IP6K2: variants seen among roughly 807,000 people sequenced by gnomAD.
IP6K2 encodes inositol hexakisphosphate kinase 2, also known as ATP:1D-myo-inositol-hexakisphosphate phosphotransferase.
Under a neutral mutation model 43.3 loss-of-function variants are expected in IP6K2, and 9 were observed. The observed-to-expected ratio is 0.21, with a 90% CI of 0.13 to 0.36. The LOEUF (loss-of-function observed/expected upper bound fraction) is 0.36. IP6K2 is among the 10% of genes least tolerant of loss of function. The pLI is 1.00. For missense variants in IP6K2, 332 were observed against 538.4 expected, an observed-to-expected ratio of 0.62 and a Z score of 3.79; for synonymous variants, 209 against 202.4, an observed-to-expected ratio of 1.03 and a Z score of -0.28.
In IP6K2 at chr3:48,688,319, C is replaced by T. The variant is rs1218018953; in HGVS notation, c.1235G>A (p.Ser412Asn). 2 of 1,614,228 alleles carry T rather than the reference C, an allele frequency of 1.2e-6. No homozygotes were observed. The highest frequency in any genetic ancestry group is 2.2e-5 in the East Asian group (1 of 44,880). The change falls in exon 6 of 6, where the codon AGC (serine) becomes AAC (asparagine). Residue 412 changes from serine (S) to asparagine (N), a missense_variant. Physicochemically the swap from Ser to Asn is conservative, Grantham distance 46 (BLOSUM62 1). Transcript: ENST00000328631. This position sits in a 1 kb window ranked among gnomAD's most constrained non-coding sequence, Gnocchi z 5.1. Reference sequence around the variant, plus strand: ...TATCTCTGTGACAATGTCTATCAGGCTCTGGAGCCCGAAGATATAGCCAGC... The same window carrying T: ...TATCTCTGTGACAATGTCTATCAGGTTCTGGAGCCCGAAGATATAGCCAGC... ...QDAGYIFGLQ[S>N]LIDIVTEISE... is the part of the protein sequence containing the mutation.
At chr3:48,712,530 G>A (rs1355210326) in intron 1 of IP6K2, among the ~76,000 whole-genome samples, 1 of 151,798 alleles carries the variant, frequency 6.6e-6, no homozygotes, top group Non-Finnish European at 1.5e-5. Context: ...ACAGGCATGA[G>A]CCACCATGCC....
rs111530965 is a variant in IP6K2 at position 48,697,341 on chromosome 3, GTTTTT to G, written c.-130-1925_-130-1921del. 3.0e-3 allele frequency among the ~76,000 whole-genome samples: 419 copies of G among 140,504 alleles called. 3 individuals are homozygous for G. Among genetic ancestry groups the G allele is most frequent in the African/African-American group, 0.01 (388 of 38,438 alleles). 92.2% of individuals were successfully genotyped at this position (140,504 alleles called of 152,430 possible). On this transcript the variant is annotated intron_variant, in intron 1 of 5. Coordinates refer to ENST00000328631, the MANE Select transcript of IP6K2 (RefSeq NM_016291.4). The stretch of plus-strand genomic sequence containing the variant: ...GCCAGTTGTTTTTTCATTTTGTTTT[GTTTTT>G]TTTTTTAGATGGAGTCTTGCTCTGT...
chr3:48,692,535 T>A (rs1559509782), intron 3 of IP6K2, among the ~76,000 whole-genome samples: 1 of 152,246 alleles, frequency 6.6e-6, no homozygotes, highest in Non-Finnish European at 1.5e-5. Context: ...TATTTATATT[T>A]TCACAAGCTT....
At chr3:48,708,904 C>G (rs563455235) in intron 1 of IP6K2, among the ~76,000 whole-genome samples, 1 of 152,236 alleles carries the variant, frequency 6.6e-6, no homozygotes, top group African/African-American at 2.4e-5. Flanking sequence ...GAGACCTTGT[C>G]TCTACAAAAA....
chr3:48,693,378 G>A (rs1301524316), intron 2 of IP6K2, 199 bp from the exon 3 acceptor site: 2 of 1,156,268 alleles, frequency 1.7e-6, no homozygotes, highest in Non-Finnish European at 2.6e-6. Context: ...CAATTAGGGA[G>A]CAAACATGGC....
chr3:48,712,743 G>A (rs1255833844), intron 1 of IP6K2, among the ~76,000 whole-genome samples: 3 of 151,690 alleles, frequency 2.0e-5, no homozygotes, highest in Admixed American at 6.6e-5. Flanking sequence ...CAGGCCGGGC[G>A]CAGTGGCTCA....
intron 1 of IP6K2, among the ~76,000 whole-genome samples, chr3:48,707,430 T>G (rs1221835918): frequency 6.6e-6 from 1 of 152,106 alleles, no homozygotes; most frequent in Non-Finnish European, 1.5e-5. Context: ...TAGCATCTCA[T>G]TCTGGTTTTA....
Position 48,711,746 on chromosome 3 carries a change from T to C in IP6K2, c.-131+5411A>G, listed in dbSNP as rs527423691. On this transcript the variant is annotated intron_variant, in intron 1 of 5. Coordinates refer to ENST00000328631, the MANE Select transcript of IP6K2 (RefSeq NM_016291.4). ...AAAAGATGGTTTAACAAGTTATTTG[T>C]TATTGTTTTTCTTGTCAGGTTGTTC... Among the ~76,000 whole-genome samples the C allele has an allele frequency of 4.9e-4, 74 of 152,368 alleles. 1 individual carries two copies. Among genetic ancestry groups the C allele is most frequent in the African/African-American group, 1.7e-3 (72 of 41,600 alleles).
chr3:48,689,552 C>G lies in IP6K2; in HGVS notation c.766G>C (p.Val256Leu), dbSNP rs2077594872. Residue 256 changes from valine to leucine, a missense_variant, in exon 5 of 6, where the codon GTG becomes CTG. Transcript: ENST00000328631. ...ATCCCCCTCACCTGCATGCCACACA[C>G]ACGCACACCAATGACTGCAGATGTG... ...QSTSAVIGVR[V>L]CGMQVYQAGS... 6.2e-7 allele frequency: 1 copy of G among 1,613,334 alleles called. No homozygotes were observed. Among genetic ancestry groups the G allele is most frequent in the Non-Finnish European group, 8.5e-7 (1 of 1,179,866 alleles).
intron 1 of IP6K2, among the ~76,000 whole-genome samples, chr3:48,705,207 G>A (rs1031944708): frequency 6.6e-6 from 1 of 152,154 alleles, no homozygotes; most frequent in Non-Finnish European, 1.5e-5. Flanking sequence ...CTCCCAAAGT[G>A]CTGGGATTAC....
At chr3:48,706,323 ATCTGTAGCCCTAGCTAC>A (rs1410853386) in intron 1 of IP6K2, among the ~76,000 whole-genome samples, 1 of 151,564 alleles carries the variant, frequency 6.6e-6, no homozygotes, top group African/African-American at 2.4e-5. Context: ...GGTAGTGCAC[ATCTGTAGCCCTAGCTAC>A]TCAGGAGGCT....
At chr3:48,702,447 C>T (rs1206954879) in intron 1 of IP6K2, among the ~76,000 whole-genome samples, 1 of 150,602 alleles carries the variant, frequency 6.6e-6, no homozygotes, top group South Asian at 2.1e-4. Context: ...ATGTCACCCC[C>T]CCTTTTTTTT....
At chr3:48,708,058 G>C (rs1409302646) in intron 1 of IP6K2, 1 of 151,846 alleles carries the variant, frequency 6.6e-6, no homozygotes, top group Non-Finnish European at 1.5e-5. Flanking sequence ...GGGCAAGATG[G>C]GGACACCCTG....
chr3:48,712,927 C>T (rs1449242839), intron 1 of IP6K2, among the ~76,000 whole-genome samples: 3 of 151,982 alleles, frequency 2.0e-5, no homozygotes, highest in Non-Finnish European at 2.9e-5. Context: ...GCAAGACAAT[C>T]GCTTAAACCC....
intron 1 of IP6K2, among the ~76,000 whole-genome samples, chr3:48,704,836 G>C (rs572647626): frequency 1.3e-5 from 2 of 151,746 alleles, no homozygotes; most frequent in African/African-American, 4.8e-5. Flanking sequence ...TAGAGTGCAT[G>C]ATCTCACCTC....
chr3:48,712,799 T>C (rs1385434193), intron 1 of IP6K2, among the ~76,000 whole-genome samples: 1 of 151,772 alleles, frequency 6.6e-6, no homozygotes, highest in African/African-American at 2.4e-5. Flanking sequence ...GGCGGATCAC[T>C]TGAGGTCAGG....
intron 4 of IP6K2, among the ~76,000 whole-genome samples, chr3:48,690,084 A>G (rs2077634604): frequency 6.6e-6 from 1 of 152,258 alleles, no homozygotes; most frequent in Non-Finnish European, 1.5e-5. Flanking sequence ...GTAGCCTTAA[A>G]TGTGAACTGG....
intron 4 of IP6K2, 144 bp from the exon 5 acceptor site, chr3:48,689,857 G>A: frequency 1.5e-6 from 1 of 654,036 alleles, no homozygotes; most frequent in Non-Finnish European, 2.6e-6. Context: ...CCCGACACAG[G>A]GAGTCCAGAG....
chr3:48,708,652 G>C (rs1199480320), intron 1 of IP6K2, among the ~76,000 whole-genome samples: 6 of 151,532 alleles, frequency 4.0e-5, no homozygotes, highest in Non-Finnish European at 8.8e-5. Flanking sequence ...CACATTGTAA[G>C]AAACTAACTC....
Sources: gnomAD v4.1 joint callset for allele counts (sites outside exome capture counted in the v4.1 genomes callset) on GRCh38, gnomAD v4.1.1 for gene constraint, Gnocchi (gnomAD v3.1) non-coding constraint, MANE v1.5 for transcripts, NCBI Gene and HGNC (gene_info 2026-07-23, HGNC 2026-07-21) for gene names.